The following ADD2 variants were observed in gnomAD, a reference collection of about 807,000 sequenced individuals.
ADD2 encodes adducin 2.
Under a neutral mutation model 83.0 loss-of-function variants are expected in ADD2, and 23 were observed. The ratio of observed to expected loss-of-function variants is 0.28; its 90% CI spans 0.20 to 0.39. The LOEUF (loss-of-function observed/expected upper bound fraction) is 0.39, where lower values mean the gene tolerates loss of function less well. Among genes scored for constraint, ADD2 ranks in the 10% least tolerant of loss-of-function variants. The pLI is 1.00. For synonymous variants in ADD2, 375 were observed against 375.4 expected, an observed-to-expected ratio of 1.00 and a Z score of 0.01; for missense variants, 758 against 944.9, an observed-to-expected ratio of 0.80 and a Z score of 2.59.
intron 1 of ADD2, among the ~76,000 whole-genome samples, chr2:70,734,641 G>C (rs1421507466): frequency 6.6e-6 from 1 of 152,230 alleles, no homozygotes; most frequent in Non-Finnish European, 1.5e-5. Flanking sequence ...GAGGAGAAAG[G>C]ATGACCAGTA....
At chr2:70,666,114 C>A (rs781999982) in intron 15 of ADD2, among the ~76,000 whole-genome samples, 15 of 152,148 alleles carry the variant, frequency 9.9e-5, no homozygotes, top group Admixed American at 2.6e-4. Flanking sequence ...GCATCCAGCC[C>A]ACACTTGTTT....
intron 2 of ADD2, among the ~76,000 whole-genome samples, chr2:70,708,245 C>G (rs1440181675): frequency 6.6e-6 from 1 of 152,166 alleles, no homozygotes; most frequent in Non-Finnish European, 1.5e-5. Context: ...GAAAGGCAAA[C>G]AGTTCGTTCA....
intron 13 of ADD2, chr2:70,675,267 TG>T: frequency 1.0e-6 from 1 of 1,002,942 alleles, no homozygotes; most frequent in Non-Finnish European, 1.2e-6. Context: ...CCCACAGCAG[TG>T]CAAGCCACAA....
intron 15 of ADD2, among the ~76,000 whole-genome samples, chr2:70,665,760 G>T (rs1192321946): frequency 6.6e-6 from 1 of 151,090 alleles, no homozygotes; most frequent in Non-Finnish European, 1.5e-5. Context: ...CTTCCTTTCT[G>T]CCTCTGCTAT....
At chr2:70,765,740 C>G (rs1001788917) in intron 1 of ADD2, among the ~76,000 whole-genome samples, 1 of 152,284 alleles carries the variant, frequency 6.6e-6, no homozygotes, top group South Asian at 2.1e-4. Flanking sequence ...GTTTCCTGCC[C>G]GTAGCCATTG....
Position 70,696,411 on chromosome 2 carries a change from C to G in ADD2, c.323-15G>C, listed in dbSNP as rs1671317469. ...CATGGAGACATCTGCAGGGACAGTG[C>G]AGTTCTCTCAGGGCCAGGGCCCATC... On this transcript the variant is annotated splice_polypyrimidine_tract_variant and intron_variant, in intron 4 of 15. Coordinates refer to ENST00000264436, the MANE Select transcript of ADD2 (RefSeq NM_001617.4). The G allele has an allele frequency of 6.2e-7, 1 of 1,613,826 alleles. No individual in the cohort carries two copies. The highest frequency in any genetic ancestry group is 8.5e-7 in the Non-Finnish European group (1 of 1,179,962).
chr2:70,688,036 T>C lies in ADD2; in HGVS notation c.936A>G (p.Ala312=), dbSNP rs782102633. The change falls in exon 9 of 16, where the codon GCA becomes GCG. Residue 312 remains alanine, a synonymous_variant. Coordinates refer to ENST00000264436, the MANE Select transcript of ADD2 (RefSeq NM_001617.4). ...AFYKIFHLQA[A]CEIQVSALSS... ...AGAATTTGCTCACCTGTATCTCACA[T>C]GCAGCCTGCAGGTGGAAGATCTTGT... 6.8e-6 allele frequency: 11 copies of C among 1,614,140 alleles called. No homozygotes were observed. The highest frequency in any genetic ancestry group is 9.3e-6 in the Non-Finnish European group (11 of 1,179,974).
rs1412952291 is a variant in ADD2, at chr2:70,660,882, G to C, written c.*2543C>G. 1 of 152,114 alleles carries C rather than the reference G, an allele frequency of 6.6e-6. No individual in the cohort carries two copies. Among genetic ancestry groups the C allele is most frequent in the East Asian group, 1.9e-4 (1 of 5,194 alleles). The allele number at this position is 152,114 out of a possible 1,614,324, so 9.4% of individuals were successfully genotyped here. A position where few individuals can be genotyped will look rare whatever the true frequency, so the allele number is the denominator to read the frequency against. On this transcript the variant is annotated 3_prime_UTR_variant, in exon 16 of 16. Coordinates refer to ENST00000264436, the MANE Select transcript of ADD2 (RefSeq NM_001617.4). ...ATTGATGCTTTCTTATGCCACCTTG[G>C]TACCCTTGCCTGTTTTGCAATTTGT...
chr2:70,744,170 G>T (rs551371537), intron 1 of ADD2, among the ~76,000 whole-genome samples: 1 of 152,298 alleles, frequency 6.6e-6, no homozygotes, highest in African/African-American at 2.4e-5. Context: ...AATTGGAATT[G>T]GCAAAATTTG....
rs1458867276 is a variant in ADD2, at chr2:70,678,749, G to A, written c.1338C>T (p.Ala446=). ...TGCCCATGCTCCTCTGGACCTCATCGGCCACATTGACCCGCAGGTAGGTGT... is the reference window on the plus strand; with the variant it reads ...TGCCCATGCTCCTCTGGACCTCATCAGCCACATTGACCCGCAGGTAGGTGT... ...TPNTYLRVNV[A]DEVQRSMGSP... The change falls in exon 11 of 16, where the codon GCC becomes GCT. Residue 446 remains alanine (A), a synonymous_variant. Coordinates refer to ENST00000264436, the MANE Select transcript of ADD2 (RefSeq NM_001617.4). 6 of 1,603,916 alleles carry A rather than the reference G, an allele frequency of 3.7e-6. No individual in the cohort carries two copies. The highest frequency in any genetic ancestry group is 2.6e-6 in the Non-Finnish European group (3 of 1,174,334).
intron 1 of ADD2, among the ~76,000 whole-genome samples, chr2:70,732,831 T>C (rs529775967): frequency 6.6e-6 from 1 of 152,296 alleles, no homozygotes; most frequent in East Asian, 1.9e-4. Flanking sequence ...AGCTCACCAC[T>C]GGTTATTTGG....
chr2:70,747,081 G>T (rs1165020889), intron 1 of ADD2, among the ~76,000 whole-genome samples: 1 of 144,564 alleles, frequency 6.9e-6, no homozygotes, highest in African/African-American at 2.6e-5. Flanking sequence ...GCTGATCTTG[G>T]CTCACTGTAA....
At chr2:70,737,091 A>G (rs1411434093) in intron 1 of ADD2, among the ~76,000 whole-genome samples, 1 of 152,146 alleles carries the variant, frequency 6.6e-6, no homozygotes, top group African/African-American at 2.4e-5. Context: ...GCTGGTGAGG[A>G]TGTGGAGAAA....
At chr2:70,672,857 A>G in intron 15 of ADD2, 21 bp downstream of exon 15, 2 of 1,601,198 alleles carry the variant, frequency 1.2e-6, no homozygotes, top group African/African-American at 1.3e-5. Context: ...CCTCCCTCCC[A>G]GCCTACTCAG....
chr2:70,669,058 T>C (rs868977568), intron 15 of ADD2, among the ~76,000 whole-genome samples: 1 of 152,058 alleles, frequency 6.6e-6, no homozygotes, highest in Non-Finnish European at 1.5e-5. Context: ...AAAAAACATG[T>C]CCTATGTTGA....
intron 10 of ADD2, among the ~76,000 whole-genome samples, chr2:70,681,280 C>CAT (rs1323753800): frequency 2.0e-5 from 3 of 152,140 alleles, no homozygotes; most frequent in African/African-American, 7.2e-5. Flanking sequence ...GCACGAGGAC[C>CAT]ATATTCCACA....
chr2:70,680,794 T>C (rs542888785), intron 10 of ADD2, among the ~76,000 whole-genome samples: 5 of 152,340 alleles, frequency 3.3e-5, no homozygotes, highest in African/African-American at 9.6e-5. Flanking sequence ...GTAGTTAAGA[T>C]ACAAAAACTA....
intron 4 of ADD2, among the ~76,000 whole-genome samples, chr2:70,701,400 T>TA (rs1377352108): frequency 6.6e-6 from 1 of 152,058 alleles, no homozygotes; most frequent in Non-Finnish European, 1.5e-5. Flanking sequence ...CTCAACACGA[T>TA]AAAAAATAAT....
chr2:70,730,781 T>C (rs1266508071), intron 1 of ADD2, among the ~76,000 whole-genome samples: 4 of 152,228 alleles, frequency 2.6e-5, no homozygotes, highest in Admixed American at 6.5e-5. Context: ...ACTTTTTCTA[T>C]GTCTAGATAC....
Sources: allele counts gnomAD v4.1 joint callset (sites outside exome capture counted in the v4.1 genomes callset), GRCh38; gene constraint gnomAD v4.1.1; transcripts MANE v1.5; gene names NCBI Gene and HGNC (gene_info 2026-07-23, HGNC 2026-07-21).